The following POLR3A variants were observed in gnomAD, a reference collection of about 807,000 sequenced individuals.
POLR3A encodes the protein DNA-directed RNA polymerase III subunit RPC1.
In POLR3A, 112 loss-of-function variants were observed where a neutral mutation model predicts 152.8. That is an observed-to-expected ratio of 0.73 (90% CI 0.63 to 0.86). The LOEUF is 0.86. Among genes scored for constraint, POLR3A ranks in the 40% least tolerant of loss-of-function variants. The pLI, the probability that POLR3A is intolerant of heterozygous loss-of-function variation, is 0.00. For synonymous variants in POLR3A, 615 were observed against 652.1 expected (o/e 0.94, Z 0.87); for missense variants, 1,385 against 1,743.1 (o/e 0.79, Z 3.66).
At chr10:77,991,024 G>T (rs746886749) in intron 21 of POLR3A, 30 bp downstream of exon 21, 2 of 1,253,340 alleles carry the variant, frequency 1.6e-6, no homozygotes, top group South Asian at 1.2e-5. Context: ...GCCAGGCTGG[G>T]TGCAGTAGCC....
chr10:78,026,683 AGCATTACAACCTT>A (rs1350730921), intron 1 of POLR3A, among the ~76,000 whole-genome samples: 3 of 152,212 alleles, frequency 2.0e-5, no homozygotes, highest in African/African-American at 7.2e-5. Flanking sequence ...TGTACCACCT[AGCATTACAACCTT>A]CATCCTCTTA....
intron 15 of POLR3A, among the ~76,000 whole-genome samples, chr10:78,005,123 T>C (rs1847398526): frequency 6.6e-6 from 1 of 152,246 alleles, no homozygotes; most frequent in Non-Finnish European, 1.5e-5. Flanking sequence ...CTGACTTCTC[T>C]CAGAGACCTT....
chr10:78,025,086 A>G lies in POLR3A; in HGVS notation c.375T>C (p.Phe125=), dbSNP rs1847619060. 1 of 1,614,206 alleles carries G rather than the reference A, an allele frequency of 6.2e-7. No homozygotes were observed. Among genetic ancestry groups the G allele is most frequent in the Non-Finnish European group, 8.5e-7 (1 of 1,180,024 alleles). Residue 125 remains phenylalanine (F), a synonymous_variant, in exon 4 of 31, where the codon TTT becomes TTC. Coordinates refer to ENST00000372371, the MANE Select transcript of POLR3A (RefSeq NM_007055.4). ...IMLSQEEKKQ[F]LDYLKRPGLT... is the part of the protein sequence containing the mutation. ...GGCCGGGCCTCTTTAGATAGTCCAG[A>G]AACTGCTTCTTCTCCTCTTGGGACA...
Position 78,009,512 on chromosome 10 carries a change from CCCCACCCGAG to C in POLR3A, c.1909+15_1909+24del. 6.2e-7 allele frequency: 1 copy of C among 1,614,194 alleles called. No individual in the cohort carries two copies. Among genetic ancestry groups the C allele is most frequent in the Non-Finnish European group, 8.5e-7 (1 of 1,180,022 alleles). The stretch of plus-strand genomic sequence containing the variant: ...GCTTTTCTGTCACGTTCCTCCTTCT[CCCCACCCGAG>C]TTCCGTCCACTCACAGGAATCATTG... On this transcript the variant is annotated intron_variant, in intron 14 of 30. Coordinates refer to ENST00000372371, the MANE Select transcript of POLR3A (RefSeq NM_007055.4).
intron 11 of POLR3A, among the ~76,000 whole-genome samples, chr10:78,010,873 CTT>C (rs1288130013): frequency 2.6e-5 from 4 of 152,166 alleles, no homozygotes; most frequent in African/African-American, 9.7e-5. Context: ...GAGACAGAGT[CTT>C]GCTTATAGCC....
chr10:78,013,561 GTTA>G (rs1847487186), intron 11 of POLR3A, 86 bp downstream of exon 11: 3 of 1,339,054 alleles, frequency 2.2e-6, no homozygotes, highest in Non-Finnish European at 3.2e-6. Context: ...CTTTGGCGTT[GTTA>G]GTTGTGGTGG....
chr10:78,008,469 T>G (rs551284630), intron 14 of POLR3A, among the ~76,000 whole-genome samples: 49 of 152,320 alleles, frequency 3.2e-4, no homozygotes, highest in Non-Finnish European at 6.6e-4. Flanking sequence ...TCAGAAGAAC[T>G]CTGCAATTCA....
intron 23 of POLR3A, 100 bp from the exon 24 acceptor site, chr10:77,985,440 A>G (rs1589304275): frequency 3.2e-6 from 3 of 927,602 alleles, no homozygotes; most frequent in East Asian, 2.4e-5. Context: ...AACAGAGAAT[A>G]TAGATGCTAT....
chr10:77,980,670 A>G (rs1238729735), intron 29 of POLR3A, among the ~76,000 whole-genome samples: 1 of 152,248 alleles, frequency 6.6e-6, no homozygotes, highest in Non-Finnish European at 1.5e-5. Flanking sequence ...CATAATTTAA[A>G]AAGTATATTT....
intron 19 of POLR3A, among the ~76,000 whole-genome samples, chr10:77,998,494 A>G (rs1243187548): frequency 2.0e-5 from 3 of 152,378 alleles, no homozygotes; most frequent in Admixed American, 1.3e-4. Flanking sequence ...GGTGAAGGAT[A>G]TGAACAGACA....
At chr10:78,018,443 G>C (rs1175818924) in intron 9 of POLR3A, among the ~76,000 whole-genome samples, 1 of 150,946 alleles carries the variant, frequency 6.6e-6, no homozygotes, top group East Asian at 2.0e-4. Flanking sequence ...AGGTTGCAGT[G>C]AGTCAAGATC....
In POLR3A at chr10:78,008,642, G is replaced by A. The variant is rs998337417; in HGVS notation, c.1910-776C>T. Among the ~76,000 whole-genome samples the A allele has an allele frequency of 2.0e-5, 3 of 152,158 alleles. 1 individual carries two copies. Among genetic ancestry groups the A allele is most frequent in the Non-Finnish European group, 4.4e-5 (3 of 68,036 alleles). ...ATCAGAAAGTAACTCAATGGATGCT[G>A]GCTAAACAGCAGGGCTCTGTGGACT... On this transcript the variant is annotated intron_variant, in intron 14 of 30. Coordinates refer to ENST00000372371, the MANE Select transcript of POLR3A (RefSeq NM_007055.4).
At chr10:77,997,358 GA>G (rs1190981514) in intron 19 of POLR3A, among the ~76,000 whole-genome samples, 1 of 152,124 alleles carries the variant, frequency 6.6e-6, no homozygotes, top group Non-Finnish European at 1.5e-5. Context: ...AGGAAAAGAG[GA>G]AGTCAAATTG....
intron 26 of POLR3A, among the ~76,000 whole-genome samples, chr10:77,983,402 G>A (rs1004882503): frequency 1.3e-5 from 2 of 152,240 alleles, no homozygotes; most frequent in Admixed American, 1.3e-4. Context: ...AGAGAAAGAA[G>A]AGGGTGTCGG....
intron 28 of POLR3A, among the ~76,000 whole-genome samples, chr10:77,981,868 CAAAAAA>C (rs60259976): frequency 1.6e-5 from 1 of 63,844 alleles, no homozygotes; most frequent in East Asian, 4.0e-4. Flanking sequence ...ACTAAAAATA[CAAAAAA>C]AAAAAAAAAA....
At chr10:77,985,463 G>A (rs976736551) in intron 23 of POLR3A, 123 bp from the exon 24 acceptor site, 11 of 800,180 alleles carry the variant, frequency 1.4e-5, no homozygotes, top group Non-Finnish European at 2.1e-5. Context: ...GGGTCGGAAA[G>A]GGTATGTCTG....
At chr10:77,983,688 G>A (rs956456260) in intron 26 of POLR3A, among the ~76,000 whole-genome samples, 22 of 152,154 alleles carry the variant, frequency 1.4e-4, no homozygotes, top group East Asian at 9.6e-4. Flanking sequence ...CTGGTATTGC[G>A]GTCTGCACAA....
intron 5 of POLR3A, 89 bp downstream of exon 5, chr10:78,024,460 G>GGCGGA (rs1456134855): frequency 1.5e-5 from 21 of 1,360,604 alleles, no homozygotes; most frequent in Non-Finnish European, 2.2e-5. Context: ...CTAGGGGTGG[G>GGCGGA]GCGGAGTTGG....
At chr10:77,998,557 T>C (rs532923242) in intron 19 of POLR3A, among the ~76,000 whole-genome samples, 9 of 152,302 alleles carry the variant, frequency 5.9e-5, no homozygotes, top group African/African-American at 2.2e-4. Flanking sequence ...ACAATGCTCA[T>C]CATCACTGGC....
Sources: allele counts gnomAD v4.1 joint callset (sites outside exome capture counted in the v4.1 genomes callset), GRCh38; gene constraint gnomAD v4.1.1; transcripts MANE v1.5; gene names NCBI Gene and HGNC (gene_info 2026-07-23, HGNC 2026-07-21).